Variants in NRROS observed in about 807,000 individuals in gnomAD.
The protein encoded by NRROS is negative regulator of reactive oxygen species, also known as transforming growth factor beta activator LRRC33.
In NRROS, 6 loss-of-function variants were observed where a neutral mutation model predicts 12.0. The observed-to-expected ratio is 0.50, with a 90% CI of 0.27 to 0.98. The LOEUF is 0.98. Among genes scored for constraint, NRROS ranks in the 50% least tolerant of loss-of-function variants. NRROS has a pLI of 0.11. For missense variants in NRROS, 857 were observed against 888.2 expected (o/e 0.96, Z 0.45); for synonymous variants, 462 against 410.2 (o/e 1.13, Z -1.53).
At position 196,660,900 on chromosome 3, in the gene NRROS, T is replaced by C. The variant is rs750539370; in HGVS notation, c.1257T>C (p.Pro419=). ...LSSNQLLGVP[P]GLFANARNIT... ...CCAACCAGCTCCTGGGCGTCCCCCC[T>C]GGCCTCTTCGCCAATGCTAGGAACA... Residue 419 remains proline (P), a synonymous_variant, in exon 3 of 3, where the codon CCT becomes CCC. Coordinates refer to ENST00000328557, the MANE Select transcript of NRROS (RefSeq NM_198565.3). The surrounding 1 kb of genome is among the most constrained non-coding windows in gnomAD (Gnocchi z 7.7). 2 of 1,614,164 alleles carry C rather than the reference T, an allele frequency of 1.2e-6. No homozygotes were observed. Among genetic ancestry groups the C allele is most frequent in the South Asian group, 2.2e-5 (2 of 91,086 alleles).
At chr3:196,646,451 G>C (rs892827778) in intron 1 of NRROS, among the ~76,000 whole-genome samples, 10 of 152,262 alleles carry the variant, frequency 6.6e-5, no homozygotes, top group African/African-American at 2.4e-4. Flanking sequence ...GCAAGGGCGA[G>C]GTGTCACCTC....
intron 1 of NRROS, among the ~76,000 whole-genome samples, chr3:196,651,441 T>C (rs1381129626): frequency 6.6e-6 from 1 of 152,126 alleles, no homozygotes; most frequent in Non-Finnish European, 1.5e-5. Flanking sequence ...TTCAGGAAGC[T>C]TCTTATCCTC....
intron 1 of NRROS, among the ~76,000 whole-genome samples, chr3:196,650,192 G>A (rs1235144763): frequency 6.6e-6 from 1 of 152,220 alleles, no homozygotes; most frequent in African/African-American, 2.4e-5. Context: ...CTGCTGCCCA[G>A]GTTGGAGTGC....
chr3:196,651,245 AT>A (rs1737418899), intron 1 of NRROS, among the ~76,000 whole-genome samples: 1 of 152,164 alleles, frequency 6.6e-6, no homozygotes. Flanking sequence ...CTTTACAGTC[AT>A]TACATACTTT....
chr3:196,654,715 G>T lies in NRROS; in HGVS notation c.108+68G>T. The T allele has an allele frequency of 6.1e-6, 6 of 982,578 alleles. No individual in the cohort carries two copies. The highest frequency in any genetic ancestry group is 9.4e-6 in the Non-Finnish European group (6 of 639,024). The allele number at this position is 982,578 out of a possible 1,614,324, so 60.9% of individuals were successfully genotyped here. A position where few individuals can be genotyped will look rare whatever the true frequency, so the allele number is the denominator to read the frequency against. On this transcript the variant is annotated intron_variant, in intron 2 of 2. Coordinates refer to ENST00000328557, the MANE Select transcript of NRROS (RefSeq NM_198565.3). The surrounding 1 kb of genome is among the most constrained non-coding windows in gnomAD (Gnocchi z 4.4). Reference sequence around the variant, plus strand: ...TGACAAGGCTTGGTCCATTTGGAAAGCTGACAGATTGTCCATCAGGAAGGG... The same window carrying T: ...TGACAAGGCTTGGTCCATTTGGAAATCTGACAGATTGTCCATCAGGAAGGG...
chr3:196,651,181 C>T (rs1737417408), intron 1 of NRROS, among the ~76,000 whole-genome samples: 1 of 152,196 alleles, frequency 6.6e-6, no homozygotes, highest in Non-Finnish European at 1.5e-5. Flanking sequence ...GCTACACACT[C>T]TACGAAGAGT....
At chr3:196,641,579 A>C (rs1221761814) in intron 1 of NRROS, among the ~76,000 whole-genome samples, 2 of 152,216 alleles carry the variant, frequency 1.3e-5, no homozygotes, top group African/African-American at 4.8e-5. Flanking sequence ...TTTTAAATTC[A>C]TCATCCAAGA....
chr3:196,642,564 G>A (rs558870572), intron 1 of NRROS, among the ~76,000 whole-genome samples: 36 of 152,306 alleles, frequency 2.4e-4, no homozygotes, highest in African/African-American at 8.4e-4. Flanking sequence ...GCAACTGCCC[G>A]TGGATTGATT....
chr3:196,658,842 T>A (rs142428307), intron 2 of NRROS, among the ~76,000 whole-genome samples: 3 of 152,022 alleles, frequency 2.0e-5, no homozygotes, highest in Non-Finnish European at 4.4e-5. Context: ...TGGTGGCATG[T>A]GCCTGTAATC....
intron 1 of NRROS, among the ~76,000 whole-genome samples, chr3:196,649,633 G>A (rs1249064766): frequency 6.6e-5 from 10 of 152,046 alleles, no homozygotes; most frequent in African/African-American, 2.4e-5. Flanking sequence ...CACCGCGCCC[G>A]GCTAATTTTT....
Position 196,661,049 on chromosome 3 carries a change from T to C in NRROS, c.1406T>C (p.Leu469Pro). ...RNMASLRSLSLEGCGLGALPD... is the reference protein window; with the variant it reads ...RNMASLRSLSPEGCGLGALPD... ...ATGGCATCTTTAAGGAGCCTGTCTC[T>C]GGAGGGCTGTGGCCTGGGGGCATTG... Residue 469 changes from leucine (L) to proline (P), a missense_variant, in exon 3 of 3, where the codon CTG (leucine) becomes CCG (proline). Coordinates refer to ENST00000328557, the MANE Select transcript of NRROS (RefSeq NM_198565.3). 1 of 1,614,178 alleles carries C rather than the reference T, an allele frequency of 6.2e-7. No individual in the cohort carries two copies. The highest frequency in any genetic ancestry group is 1.1e-5 in the South Asian group (1 of 91,088).
intron 1 of NRROS, among the ~76,000 whole-genome samples, chr3:196,648,167 G>A (rs1299093158): frequency 6.6e-5 from 10 of 152,132 alleles, no homozygotes; most frequent in Admixed American, 5.9e-4. Flanking sequence ...TTAAATGTGA[G>A]TACTTTAAAA....
chr3:196,658,753 A>G (rs1032500539), intron 2 of NRROS, among the ~76,000 whole-genome samples: 1 of 152,136 alleles, frequency 6.6e-6, no homozygotes, highest in Non-Finnish European at 1.5e-5. Flanking sequence ...GATCACCTGA[A>G]GTCAGGAGTT....
At position 196,659,953 on chromosome 3, in the gene NRROS, C is replaced by G. The variant is rs1324029062; in HGVS notation, c.310C>G (p.Gln104Glu). The change falls in exon 3 of 3, where the codon CAA becomes GAA. Residue 104 changes from glutamine (Q) to glutamate (E), a missense_variant. Gln to Glu is a conservative substitution (Grantham distance 29). Coordinates refer to ENST00000328557, the MANE Select transcript of NRROS (RefSeq NM_198565.3). ...CATCAGCCGCGGCGCCTTCCAGGAG[C>G]AAGGTCACCTGCGCAGCCTGGTCCT... ...ERISRGAFQE[Q>E]GHLRSLVLGD... The G allele has an allele frequency of 6.2e-7, 1 of 1,614,042 alleles. No homozygotes were observed. Among genetic ancestry groups the G allele is most frequent in the Non-Finnish European group, 8.5e-7 (1 of 1,179,974 alleles).
At position 196,661,247 on chromosome 3, in the gene NRROS, T is replaced by A; in HGVS notation, c.1604T>A (p.Phe535Tyr). Residue 535 changes from phenylalanine to tyrosine, a missense_variant, in exon 3 of 3, where the codon TTT (phenylalanine) becomes TAT (tyrosine). Coordinates refer to ENST00000328557, the MANE Select transcript of NRROS (RefSeq NM_198565.3). ...TTTATGGCGTTGGACTTCTCTGGGT[T>A]TGGGAATCTCAGGGACTTAGATCTG... ...SSFMALDFSG[F>Y]GNLRDLDLSG... 3 of 1,614,026 alleles carry A rather than the reference T, an allele frequency of 1.9e-6. No homozygotes were observed. Among genetic ancestry groups the A allele is most frequent in the Non-Finnish European group, 2.5e-6 (3 of 1,179,972 alleles).
intron 1 of NRROS, among the ~76,000 whole-genome samples, chr3:196,647,074 A>T (rs576941750): frequency 6.6e-4 from 101 of 152,326 alleles, no homozygotes; most frequent in African/African-American, 2.4e-3. Context: ...GTTTTACCAT[A>T]ACTTATTTAG....
At chr3:196,643,802 T>C (rs1309831435) in intron 1 of NRROS, among the ~76,000 whole-genome samples, 2 of 152,222 alleles carry the variant, frequency 1.3e-5, no homozygotes, top group African/African-American at 4.8e-5. Context: ...AGGTCTCTTC[T>C]ACCCTTGCAG....
chr3:196,646,630 G>A (rs897598680), intron 1 of NRROS, among the ~76,000 whole-genome samples: 1 of 152,216 alleles, frequency 6.6e-6, no homozygotes, highest in Non-Finnish European at 1.5e-5. Context: ...GGCTGAGCAG[G>A]GAGGTGCTCA....
At position 196,651,022 on chromosome 3, in the gene NRROS, C is replaced by T. The variant is rs148489904; in HGVS notation, c.-13-3505C>T. 2.6e-3 allele frequency among the ~76,000 whole-genome samples: 403 copies of T among 152,296 alleles called. 3 individuals carry two copies. Among genetic ancestry groups the T allele is most frequent in the Non-Finnish European group, 4.7e-3 (322 of 68,028 alleles). On this transcript the variant is annotated intron_variant, in intron 1 of 2. Transcript: ENST00000328557. ...CCTCTTACAGCTGCAGATGCTGTGG[C>T]GTGGTCCTCAGCCCTGAGGATGTGG...
Sources: allele counts gnomAD v4.1 joint callset (sites outside exome capture counted in the v4.1 genomes callset), GRCh38; gene constraint gnomAD v4.1.1; non-coding constraint Gnocchi (gnomAD v3.1); transcripts MANE v1.5; gene names NCBI Gene and HGNC (gene_info 2026-07-23, HGNC 2026-07-21).